VWA8: variants seen among roughly 807,000 people sequenced by gnomAD.
The protein encoded by VWA8 is von Willebrand factor A domain-containing protein 8.
VWA8 carries 221 observed loss-of-function variants against 241.5 expected under a neutral mutation model. That is an observed-to-expected ratio of 0.91 (90% confidence interval 0.82 to 1.02). The LOEUF (loss-of-function observed/expected upper bound fraction) is 1.02. VWA8 is among the 50% of genes least tolerant of loss of function. The pLI, the probability that VWA8 is intolerant of heterozygous loss-of-function variation, is 0.00. For missense variants in VWA8, 2,322 were observed against 2,328.7 expected (o/e 1.00, Z 0.06); for synonymous variants, 852 against 827.1 (o/e 1.03, Z -0.52).
At position 41,729,546 on chromosome 13, in the gene VWA8, A is replaced by C; in HGVS notation, c.2634T>G (p.Val878=). 1 of 1,610,714 alleles carries C rather than the reference A, an allele frequency of 6.2e-7. No individual in the cohort carries two copies. The highest frequency in any genetic ancestry group is 1.1e-5 in the South Asian group (1 of 90,122). Residue 878 remains valine (V), a synonymous_variant, in exon 23 of 45, where the codon GTT becomes GTG. Coordinates refer to ENST00000379310, the MANE Select transcript of VWA8 (RefSeq NM_015058.2). The part of the protein sequence containing the change: ...EMILADGRRI[V]ANSANVNGRE... ...ATTGCTTTCTAAAATACTCACTTGC[A>C]ACAATGCGTCTTCCATCTGCTAGAA...
intron 26 of VWA8, among the ~76,000 whole-genome samples, chr13:41,714,212 T>G (rs2045335090): frequency 6.6e-6 from 1 of 152,072 alleles, no homozygotes; most frequent in African/African-American, 2.4e-5. Flanking sequence ...CCTTAGTTTT[T>G]TTTTCTATTT....
chr13:41,938,664 A>G (rs1566045993), intron 2 of VWA8, among the ~76,000 whole-genome samples: 1 of 151,900 alleles, frequency 6.6e-6, no homozygotes, highest in Non-Finnish European at 1.5e-5. Flanking sequence ...AAAAAAAAAA[A>G]TACATCTAAA....
At chr13:41,739,444 C>T (rs2045549624) in intron 21 of VWA8, among the ~76,000 whole-genome samples, 1 of 152,106 alleles carries the variant, frequency 6.6e-6, no homozygotes, top group Admixed American at 6.6e-5. Context: ...TTATCTAAAA[C>T]TTACTATATA....
At chr13:41,898,632 C>A (rs988760739) in intron 4 of VWA8, among the ~76,000 whole-genome samples, 2 of 152,232 alleles carry the variant, frequency 1.3e-5, no homozygotes, top group Non-Finnish European at 2.9e-5. Flanking sequence ...GAGCAGGGGG[C>A]GGCATTCGTC....
intron 2 of VWA8, among the ~76,000 whole-genome samples, chr13:41,937,428 C>T (rs1037804709): frequency 1.3e-5 from 2 of 152,130 alleles, no homozygotes; most frequent in Admixed American, 6.6e-5. Flanking sequence ...TCATAAGGAG[C>T]GCACAACCTA....
intron 2 of VWA8, among the ~76,000 whole-genome samples, chr13:41,939,880 C>T (rs1877515794): frequency 6.6e-6 from 1 of 152,084 alleles, no homozygotes; most frequent in South Asian, 2.1e-4. Context: ...TAGTGATTCT[C>T]CGTGCTCTAA....
At chr13:41,656,239 T>C (rs1258519838) in intron 37 of VWA8, among the ~76,000 whole-genome samples, 1 of 152,190 alleles carries the variant, frequency 6.6e-6, no homozygotes, top group Non-Finnish European at 1.5e-5. Context: ...TGCAGCACTT[T>C]CCTCTTTGGC....
In VWA8 at chr13:41,887,272, C is replaced by A. The variant is rs1332303699; in HGVS notation, c.741G>T (p.Arg247Ser). ...RVIALGLPVPRYSGNPLDPPL... is the reference protein window; with the variant it reads ...RVIALGLPVPSYSGNPLDPPL... ...GGGGGTCTAATGGATTCCCAGAATA[C>A]CTTGGCACTGGCAAGCCCAAGGCAA... The change falls in exon 6 of 45, where the codon AGG (arginine) becomes AGT (serine). Residue 247 changes from arginine (R) to serine (S), a missense_variant. Coordinates refer to ENST00000379310, the MANE Select transcript of VWA8 (RefSeq NM_015058.2). 1 of 1,613,700 alleles carries A rather than the reference C, an allele frequency of 6.2e-7. No individual in the cohort carries two copies. Among genetic ancestry groups the A allele is most frequent in the Admixed American group, 1.7e-5 (1 of 59,916 alleles).
chr13:41,849,998 A>G (rs1872463058), intron 12 of VWA8, among the ~76,000 whole-genome samples: 1 of 152,162 alleles, frequency 6.6e-6, no homozygotes, highest in Non-Finnish European at 1.5e-5. Context: ...TAATGTCCTT[A>G]TGTCTGGAGT....
intron 13 of VWA8, among the ~76,000 whole-genome samples, chr13:41,831,683 G>A (rs1177109177): frequency 1.1e-4 from 16 of 143,654 alleles, no homozygotes; most frequent in Non-Finnish European, 1.7e-4. Flanking sequence ...GCAGTGGCGC[G>A]ATCTAGGCTC....
intron 37 of VWA8, among the ~76,000 whole-genome samples, chr13:41,637,503 T>C (rs1302965277): frequency 6.6e-6 from 1 of 151,526 alleles, no homozygotes; most frequent in African/African-American, 2.4e-5. Context: ...ACGTGGCACA[T>C]GTATACATAC....
chr13:41,946,983 G>A (rs1043838063), intron 2 of VWA8, among the ~76,000 whole-genome samples: 1 of 152,176 alleles, frequency 6.6e-6, no homozygotes, highest in Non-Finnish European at 1.5e-5. Context: ...CCCAGGTGAT[G>A]TCTGATCACC....
intron 35 of VWA8, among the ~76,000 whole-genome samples, chr13:41,678,164 C>T (rs1275810611): frequency 6.6e-6 from 1 of 152,136 alleles, no homozygotes; most frequent in Non-Finnish European, 1.5e-5. Flanking sequence ...AATCACAGTC[C>T]TGAGGCCAGG....
chr13:41,668,129 A>G (rs937342264), intron 37 of VWA8, among the ~76,000 whole-genome samples: 22 of 152,234 alleles, frequency 1.4e-4, no homozygotes, highest in African/African-American at 5.1e-4. Context: ...TGTTTATCTC[A>G]ATATGGACAG....
chr13:41,758,461 T>G, intron 21 of VWA8, among the ~76,000 whole-genome samples: 1 of 127,760 alleles, frequency 7.8e-6, no homozygotes, highest in Non-Finnish European at 1.7e-5. Flanking sequence ...ATATATGGAA[T>G]ATATGGAATA....
intron 6 of VWA8, 133 bp from the exon 7 acceptor site, chr13:41,886,963 G>T: frequency 1.2e-6 from 1 of 855,554 alleles, no homozygotes; most frequent in Non-Finnish European, 1.7e-6. Context: ...ATCATTTATT[G>T]ATACATTTCA....
At chr13:41,572,126 C>T (rs1451913843) in intron 43 of VWA8, among the ~76,000 whole-genome samples, 4 of 149,246 alleles carry the variant, frequency 2.7e-5, no homozygotes, top group Admixed American at 6.6e-5. Flanking sequence ...TGCCCGTCTG[C>T]GAAGTGAGGA....
chr13:41,691,518 C>G, intron 31 of VWA8, 73 bp from the exon 32 acceptor site: 1 of 1,528,688 alleles, frequency 6.5e-7, no homozygotes, highest in Non-Finnish European at 8.8e-7. Context: ...ATAATCATTT[C>G]ATGATACATT....
At chr13:41,792,130 G>A (rs1254294305) in intron 17 of VWA8, among the ~76,000 whole-genome samples, 1 of 151,880 alleles carries the variant, frequency 6.6e-6, no homozygotes, top group Non-Finnish European at 1.5e-5. Flanking sequence ...TTGGTCATTT[G>A]AATTATTTAA....
Sources: allele counts gnomAD v4.1 joint callset (sites outside exome capture counted in the v4.1 genomes callset), GRCh38; gene constraint gnomAD v4.1.1; transcripts MANE v1.5; gene names NCBI Gene and HGNC (gene_info 2026-07-23, HGNC 2026-07-21).